Variants in ENTHD1 observed in about 807,000 individuals in gnomAD.
ENTHD1 encodes the protein ENTH domain containing 1.
In ENTHD1, 23 loss-of-function variants were observed where a neutral mutation model predicts 39.1. That is an observed-to-expected ratio of 0.59 (90% CI 0.42 to 0.83). The LOEUF (loss-of-function observed/expected upper bound fraction) is 0.83. ENTHD1 is among the 40% of genes least tolerant of loss of function. The probability of loss-of-function intolerance (pLI) is 0.00; values close to 1 mark genes in which losing one functional copy is unlikely to be tolerated. For synonymous variants in ENTHD1, 230 were observed against 258.2 expected (o/e 0.89, Z 1.05); for missense variants, 624 against 705.4 (o/e 0.88, Z 1.31).
intron 4 of ENTHD1, among the ~76,000 whole-genome samples, chr22:39,830,755 T>C (rs2146667637): frequency 6.6e-6 from 1 of 152,206 alleles, no homozygotes; most frequent in East Asian, 1.9e-4. Context: ...GATTTCCTTC[T>C]AGTGGGAGAA....
At chr22:39,854,367 G>A (rs550068499) in intron 3 of ENTHD1, among the ~76,000 whole-genome samples, 1 of 152,304 alleles carries the variant, frequency 6.6e-6, no homozygotes, top group Admixed American at 6.5e-5. Context: ...ATTTGACACA[G>A]ACCAGAGTAA....
chr22:39,750,041 G>C (rs1326131926), intron 6 of ENTHD1: 1 of 159,032 alleles, frequency 6.3e-6, no homozygotes, highest in Admixed American at 6.3e-5. Flanking sequence ...TTGCCGGAAG[G>C]CCAGCTTTTA....
intron 2 of ENTHD1, among the ~76,000 whole-genome samples, chr22:39,884,045 A>G (rs910118442): frequency 2.0e-5 from 3 of 149,540 alleles, no homozygotes; most frequent in Non-Finnish European, 2.9e-5. Flanking sequence ...AGAAATGGAA[A>G]AAAGATCTAA....
At chr22:39,817,169 T>A (rs1206748756) in intron 5 of ENTHD1, among the ~76,000 whole-genome samples, 1 of 152,130 alleles carries the variant, frequency 6.6e-6, no homozygotes, top group Admixed American at 6.5e-5. Context: ...AGGCTGTGAA[T>A]TGATACTGAT....
intron 5 of ENTHD1, among the ~76,000 whole-genome samples, chr22:39,791,311 A>G (rs1371251751): frequency 6.7e-6 from 1 of 148,154 alleles, no homozygotes; most frequent in Non-Finnish European, 1.5e-5. Flanking sequence ...ACATAATTTT[A>G]TATATAAAGA....
At chr22:39,822,820 C>T (rs2065793820) in intron 4 of ENTHD1, among the ~76,000 whole-genome samples, 1 of 152,108 alleles carries the variant, frequency 6.6e-6, no homozygotes, top group Admixed American at 6.5e-5. Flanking sequence ...AAGTGATTTG[C>T]CCCTTTTAAA....
chr22:39,795,781 T>A (rs1158731696), intron 5 of ENTHD1, among the ~76,000 whole-genome samples: 1 of 152,108 alleles, frequency 6.6e-6, no homozygotes, highest in Non-Finnish European at 1.5e-5. Context: ...TTTGTTCATA[T>A]TTTTGGCTTC....
intron 4 of ENTHD1, among the ~76,000 whole-genome samples, chr22:39,831,084 A>T (rs952142820): frequency 6.6e-6 from 1 of 152,198 alleles, no homozygotes; most frequent in Non-Finnish European, 1.5e-5. Flanking sequence ...TCAATTCAAG[A>T]TAGGAGTGCT....
At chr22:39,836,081 A>G in intron 3 of ENTHD1, 123 bp from the exon 4 acceptor site, 1 of 597,652 alleles carries the variant, frequency 1.7e-6, no homozygotes, top group Middle Eastern at 3.3e-4. Flanking sequence ...AATATAAACC[A>G]TCTGCCAGTG....
chr22:39,748,538 C>T (rs1180913157), intron 6 of ENTHD1, among the ~76,000 whole-genome samples: 1 of 151,898 alleles, frequency 6.6e-6, no homozygotes, highest in African/African-American at 2.4e-5. Context: ...CTTCTGCCTC[C>T]ACCTGACGAG....
At position 39,839,210 on chromosome 22, in the gene ENTHD1, G is replaced by A. The variant is rs754182646; in HGVS notation, c.593-3252C>T. Among the ~76,000 whole-genome samples the A allele has an allele frequency of 6.6e-5, 10 of 152,190 alleles. No homozygotes were observed. The South Asian group carries it at 8.3e-4, about 13-fold the overall frequency. ...AAAACAAAAAAAAATACTGAAAAGC[G>A]GTAATATAAGGCACAGTCTTTACCT... is the stretch of plus-strand genomic sequence containing the variant. On this transcript the variant is annotated intron_variant, in intron 3 of 6. Coordinates refer to ENST00000325157, the MANE Select transcript of ENTHD1 (RefSeq NM_152512.4).
intron 5 of ENTHD1, among the ~76,000 whole-genome samples, chr22:39,782,068 C>T (rs1032677324): frequency 6.6e-6 from 1 of 152,174 alleles, no homozygotes; most frequent in Non-Finnish European, 1.5e-5. Context: ...GGGAGGATCA[C>T]TTGAGGCCAG....
At chr22:39,785,677 C>A (rs1569139363) in intron 5 of ENTHD1, among the ~76,000 whole-genome samples, 1 of 152,198 alleles carries the variant, frequency 6.6e-6, no homozygotes, top group Non-Finnish European at 1.5e-5. Flanking sequence ...CCTAACCTCC[C>A]AGTCCCCAAA....
At chr22:39,809,946 A>G (rs957127572) in intron 5 of ENTHD1, among the ~76,000 whole-genome samples, 9 of 152,164 alleles carry the variant, frequency 5.9e-5, no homozygotes, top group African/African-American at 2.2e-4. Flanking sequence ...GGTGGTGGTT[A>G]ATGAATCACA....
At chr22:39,801,738 G>C (rs1429792618) in intron 5 of ENTHD1, among the ~76,000 whole-genome samples, 2 of 152,044 alleles carry the variant, frequency 1.3e-5, no homozygotes, top group Non-Finnish European at 1.5e-5. Flanking sequence ...AAGACTACTA[G>C]ATTTCTCCCA....
chr22:39,888,260 C>CT (rs61092462), intron 1 of ENTHD1, among the ~76,000 whole-genome samples: 10,842 of 110,586 alleles, frequency 0.098, 653 homozygotes, highest in South Asian at 0.15. Flanking sequence ...TTCTTTCTTT[C>CT]TTTTTTTTTT....
At chr22:39,756,066 G>C (rs536756711) in intron 6 of ENTHD1, among the ~76,000 whole-genome samples, 1 of 152,032 alleles carries the variant, frequency 6.6e-6, no homozygotes, top group Non-Finnish European at 1.5e-5. Flanking sequence ...TTTATTCTCC[G>C]ATCTCCCTCT....
chr22:39,796,393 C>G (rs933247620), intron 5 of ENTHD1, among the ~76,000 whole-genome samples: 1 of 152,106 alleles, frequency 6.6e-6, no homozygotes, highest in Non-Finnish European at 1.5e-5. Context: ...CTGCCTCAGC[C>G]TCCCGTGTAG....
chr22:39,875,315 G>T, intron 2 of ENTHD1: 1 of 1,288,252 alleles, frequency 7.8e-7, no homozygotes, highest in Non-Finnish European at 9.8e-7. Flanking sequence ...AGCCCGCTCG[G>T]GCCCGTTCGC....
Sources: allele counts gnomAD v4.1 joint callset (sites outside exome capture counted in the v4.1 genomes callset), GRCh38; gene constraint gnomAD v4.1.1; transcripts MANE v1.5; gene names NCBI Gene and HGNC (gene_info 2026-07-23, HGNC 2026-07-21).